LCTL: variants seen among roughly 807,000 people sequenced by gnomAD.
LCTL encodes lactase like.
In LCTL, 76 loss-of-function variants were observed where a neutral mutation model predicts 75.8. That is an observed-to-expected ratio of 1.00 (90% CI 0.83 to 1.21). The LOEUF is 1.21. Ranked by LOEUF, LCTL falls within the 50% of genes most tolerant of loss-of-function variation. The probability of loss-of-function intolerance (pLI) is 0.00; values close to 1 mark genes in which losing one functional copy is unlikely to be tolerated. For missense variants in LCTL, 670 were observed against 712.4 expected (o/e 0.94, Z 0.68); for synonymous variants, 271 against 268.8 (o/e 1.01, Z -0.08).
At chr15:66,549,096 CAT>C (rs1895495639) in intron 12 of LCTL, 1 of 152,494 alleles carries the variant, frequency 6.6e-6, no homozygotes. Flanking sequence ...TAATGATAAG[CAT>C]ATGTTATGTG....
At chr15:66,552,350 T>A (rs1175940762) in intron 9 of LCTL, among the ~76,000 whole-genome samples, 181 bp from the exon 11 acceptor site, 1 of 152,032 alleles carries the variant, frequency 6.6e-6, no homozygotes, top group African/African-American at 2.4e-5. Context: ...AGGAGACAGG[T>A]TCTTATAAAG....
rs141298099 is a variant in LCTL, at chr15:66,557,081, T to C, written c.922+641A>G. Among the ~76,000 whole-genome samples, 594 of 152,172 alleles carry C rather than the reference T, an allele frequency of 3.9e-3. 4 individuals carry two copies. Among genetic ancestry groups the C allele is most frequent in the African/African-American group, 0.014 (567 of 41,524 alleles). ...GTCATCTTGTGGCCATGGGGATTGG[T>C]TGATGGGCTAACTGAAGGTGCCAGA... On this transcript the variant is annotated intron_variant, in intron 8 of 12. Transcript: ENST00000341509.
chr15:66,554,120 A>G (rs1895684705), intron 8 of LCTL, among the ~76,000 whole-genome samples: 3 of 151,720 alleles, frequency 2.0e-5, no homozygotes, highest in Non-Finnish European at 4.4e-5. Context: ...GTGAAACCCC[A>G]TCTCTACTAA....
At chr15:66,564,510 G>C in intron 2 of LCTL, 166 bp downstream of exon 3, 1 of 743,616 alleles carries the variant, frequency 1.3e-6, no homozygotes, top group South Asian at 2.0e-5. Flanking sequence ...ACCCCCACTG[G>C]CCCTGCCCCC....
intron 4 of LCTL, among the ~76,000 whole-genome samples, chr15:66,562,082 G>A (rs951954695): frequency 4.6e-5 from 7 of 152,060 alleles, no homozygotes; most frequent in African/African-American, 1.7e-4. Flanking sequence ...GGGCACCGAT[G>A]GGACCACCTT....
chr15:66,553,204 A>C (rs1349940130), exon 9 of LCTL: 2 of 1,606,986 alleles, frequency 1.2e-6, no homozygotes, highest in African/African-American at 2.7e-5. Context: ...CTTCTCCTGG[A>C]GTGAGAACAC....
At chr15:66,549,945 G>T in intron 12 of LCTL, 96 bp downstream of exon 13, 1 of 742,236 alleles carries the variant, frequency 1.3e-6, no homozygotes, top group South Asian at 2.7e-5. Context: ...TTGGAAGATT[G>T]ACTTCAAGTA....
At chr15:66,554,215 C>T (rs552763121) in intron 8 of LCTL, among the ~76,000 whole-genome samples, 13 of 147,884 alleles carry the variant, frequency 8.8e-5, no homozygotes, top group South Asian at 4.3e-4. Context: ...CGCTTGAAGC[C>T]GGGAGGTGGA....
chr15:66,548,300 T>G (rs942381134), exon 13 of LCTL: 32 of 263,876 alleles, frequency 1.2e-4, no homozygotes, highest in Middle Eastern at 2.2e-3. Context: ...ATTACAAGTG[T>G]TTTTTTTTTT....
At position 66,563,642 on chromosome 15, in the gene LCTL, A is replaced by T; in HGVS notation, c.371-17T>A. On this transcript the variant is annotated splice_polypyrimidine_tract_variant and intron_variant, in intron 3 of 12. Transcript: ENST00000341509. ...CCTGCTCGGCTGCAGGTGAAATAAA[A>T]GAAGATGCTACCAGAAAGGACCTCG... is the stretch of plus-strand genomic sequence containing the variant. 1 of 1,556,844 alleles carries T rather than the reference A, an allele frequency of 6.4e-7. No homozygotes were observed. Among genetic ancestry groups the T allele is most frequent in the East Asian group, 2.3e-5 (1 of 44,376 alleles).
rs750867353 is a variant in LCTL, at chr15:66,557,919, G to C, written c.761-36C>G. 1.9e-6 allele frequency: 3 copies of C among 1,610,934 alleles called. No individual in the cohort carries two copies. The East Asian group carries it at 6.7e-5, about 36-fold the overall frequency. Reference sequence around the variant, plus strand: ...AAGAAAGAAAAGGGAGTGGGGAGTGGGCATGCCATTGCTGCTCCGGGCACT... The same window carrying C: ...AAGAAAGAAAAGGGAGTGGGGAGTGCGCATGCCATTGCTGCTCCGGGCACT... On this transcript the variant is annotated intron_variant, in intron 7 of 12. Transcript: ENST00000341509.
chr15:66,553,870 A>G (rs904228220), intron 8 of LCTL, among the ~76,000 whole-genome samples: 5 of 150,984 alleles, frequency 3.3e-5, no homozygotes, highest in Admixed American at 6.6e-5. Flanking sequence ...AAAATGGGTA[A>G]TTTGGCCGGG....
chr15:66,548,563 A>G (rs1895468416), exon 13 of LCTL: 1 of 1,613,378 alleles, frequency 6.2e-7, no homozygotes, highest in African/African-American at 1.3e-5. Context: ...GACAGTGGGT[A>G]CCACGATCTC....
chr15:66,564,991 A>G (rs1198216308), intron 1 of LCTL, 152 bp from the exon 3 acceptor site: 7 of 734,770 alleles, frequency 9.5e-6, no homozygotes, highest in African/African-American at 1.8e-5. Context: ...GAGTGTGAGC[A>G]CATGAGGCAC....
intron 2 of LCTL, 185 bp from the exon 4 acceptor site, chr15:66,564,183 G>A: frequency 1.7e-6 from 1 of 599,466 alleles, no homozygotes. Flanking sequence ...GATATGCCAA[G>A]AGTCAAAGAA....
At chr15:66,558,196 G>A (rs1048938793) in intron 6 of LCTL, among the ~76,000 whole-genome samples, 160 bp from the exon 8 acceptor site, 1 of 152,118 alleles carries the variant, frequency 6.6e-6, no homozygotes, top group Non-Finnish European at 1.5e-5. Flanking sequence ...ACTTCTTGAG[G>A]CACTTATTTT....
intron 8 of LCTL, among the ~76,000 whole-genome samples, chr15:66,554,622 A>C (rs1319841540): frequency 6.6e-6 from 1 of 152,234 alleles, no homozygotes; most frequent in Non-Finnish European, 1.5e-5. Flanking sequence ...TCACACATGT[A>C]AAGGGATGTT....
intron 8 of LCTL, 120 bp from the exon 10 acceptor site, chr15:66,553,378 G>T: frequency 1.2e-6 from 1 of 840,714 alleles, no homozygotes; most frequent in Non-Finnish European, 1.8e-6. Flanking sequence ...CATTTGCATG[G>T]GAAGTATAAC....
exon 9 of LCTL, chr15:66,553,159 A>G: frequency 6.2e-7 from 1 of 1,611,512 alleles, no homozygotes; most frequent in Non-Finnish European, 8.5e-7. Flanking sequence ...AAAATGACCT[A>G]ATCCCAAGAA....
Sources: gnomAD v4.1 joint callset for allele counts (sites outside exome capture counted in the v4.1 genomes callset) on GRCh38, gnomAD v4.1.1 for gene constraint, MANE v1.5 for transcripts, NCBI Gene and HGNC (gene_info 2026-07-23, HGNC 2026-07-21) for gene names.